CCDC7: variants seen among roughly 807,000 people sequenced by gnomAD.
CCDC7 encodes the protein coiled-coil domain-containing protein 7.
CCDC7 carries 183 observed loss-of-function variants against 196.9 expected under a neutral mutation model. The ratio of observed to expected loss-of-function variants is 0.93; its 90% CI spans 0.82 to 1.05. The LOEUF is 1.05. Ranked by LOEUF, CCDC7 falls within the 50% of genes least tolerant of loss-of-function variation. CCDC7 has a pLI of 0.00. For synonymous variants in CCDC7, 525 were observed against 484.6 expected, an observed-to-expected ratio of 1.08 and a Z score of -1.10; for missense variants, 1,540 against 1,482.2, an observed-to-expected ratio of 1.04 and a Z score of -0.64.
At chr10:32,684,578 A>G (rs915325394) in intron 21 of CCDC7, among the ~76,000 whole-genome samples, 3 of 152,144 alleles carry the variant, frequency 2.0e-5, no homozygotes, top group Admixed American at 2.0e-4. Flanking sequence ...GATGAATCCC[A>G]AGGTGGCCTC....
chr10:32,807,602 G>T (rs763128901), intron 30 of CCDC7, among the ~76,000 whole-genome samples: 1 of 151,998 alleles, frequency 6.6e-6, no homozygotes, highest in African/African-American at 2.4e-5. Context: ...ACCTAAGTAG[G>T]ATCGATAAAG....
chr10:32,699,696 T>C (rs570951253), intron 24 of CCDC7, among the ~76,000 whole-genome samples: 3 of 149,462 alleles, frequency 2.0e-5, no homozygotes, highest in East Asian at 3.9e-4. Context: ...CCTATTTCTA[T>C]ACATCCTCTC....
At chr10:32,798,729 C>T in intron 29 of CCDC7, among the ~76,000 whole-genome samples, 1 of 152,216 alleles carries the variant, frequency 6.6e-6, no homozygotes, top group East Asian at 1.9e-4. Context: ...AGTGCACAAC[C>T]AGGTGCACTG....
chr10:32,547,998 C>A (rs1325018308), intron 13 of CCDC7, among the ~76,000 whole-genome samples: 1 of 152,152 alleles, frequency 6.6e-6, no homozygotes, highest in African/African-American at 2.4e-5. Flanking sequence ...TATGTCTTTG[C>A]ATCCTCACAG....
chr10:32,614,804 C>T (rs1426801839), intron 18 of CCDC7, among the ~76,000 whole-genome samples: 3 of 152,158 alleles, frequency 2.0e-5, no homozygotes, highest in Non-Finnish European at 4.4e-5. Context: ...GGAGTTTGAT[C>T]TATCCCACCC....
chr10:32,466,254 CTCTT>C (rs2036754180), intron 5 of CCDC7, among the ~76,000 whole-genome samples: 1 of 116,474 alleles, frequency 8.6e-6, no homozygotes, highest in Admixed American at 1.0e-4. Context: ...GTGTTTCTCT[CTCTT>C]TTTTTTTTTT....
At chr10:32,590,431 A>G (rs2059676579) in intron 18 of CCDC7, among the ~76,000 whole-genome samples, 1 of 152,058 alleles carries the variant, frequency 6.6e-6, no homozygotes, top group Non-Finnish European at 1.5e-5. Context: ...TTTATGTCTT[A>G]TTGTTAACTA....
intron 37 of CCDC7, among the ~76,000 whole-genome samples, chr10:32,847,199 C>T (rs1178896542): frequency 6.6e-6 from 1 of 152,086 alleles, no homozygotes; most frequent in East Asian, 1.9e-4. Context: ...CCAGTCACAT[C>T]GCTATGCAAA....
chr10:32,609,327 C>T (rs995529652), intron 18 of CCDC7, among the ~76,000 whole-genome samples: 1 of 152,096 alleles, frequency 6.6e-6, no homozygotes, highest in Admixed American at 6.6e-5. Flanking sequence ...GTTATATCCT[C>T]TGGCTGAGTT....
At chr10:32,465,864 C>A (rs1047249490) in intron 5 of CCDC7, among the ~76,000 whole-genome samples, 8 of 152,182 alleles carry the variant, frequency 5.3e-5, no homozygotes, top group Non-Finnish European at 8.8e-5. Flanking sequence ...TGTTCCCTAT[C>A]TTAGTGAATG....
chr10:32,851,611 T>A (rs1219490004), intron 39 of CCDC7, among the ~76,000 whole-genome samples, 196 bp from the exon 41 acceptor site: 1 of 152,210 alleles, frequency 6.6e-6, no homozygotes. Context: ...ATTTTCTATC[T>A]GGATGACCTG....
rs543857663 is a variant in CCDC7 at position 32,616,996 on chromosome 10, T to C, written c.1802-17258T>C. Among the ~76,000 whole-genome samples the C allele has an allele frequency of 5.3e-5, 8 of 151,826 alleles. No homozygotes were observed. In the East Asian group the frequency reaches 7.7e-4, roughly 15 times the overall value. On this transcript the variant is annotated intron_variant, in intron 18 of 41. Transcript: ENST00000639629. Reference sequence around the variant, plus strand: ...TTATTATTGGTCTGTTTGAGAGTTTTAGTTTTTTCTGGTTCGATATTGGGT... The same window carrying C: ...TTATTATTGGTCTGTTTGAGAGTTTCAGTTTTTTCTGGTTCGATATTGGGT...
At chr10:32,868,370 T>A (rs1010861106) in intron 41 of CCDC7, among the ~76,000 whole-genome samples, 6 of 151,984 alleles carry the variant, frequency 3.9e-5, no homozygotes, top group African/African-American at 1.2e-4. Context: ...TTTTCCTCTG[T>A]ATCTACTCAT....
At chr10:32,760,103 T>TA (rs2077189931) in intron 28 of CCDC7, among the ~76,000 whole-genome samples, 1 of 152,106 alleles carries the variant, frequency 6.6e-6, no homozygotes, top group Non-Finnish European at 1.5e-5. Flanking sequence ...CAACAGGTGC[T>TA]AGAGAGGATG....
intron 25 of CCDC7, among the ~76,000 whole-genome samples, chr10:32,721,216 A>G (rs980891705): frequency 6.6e-6 from 1 of 152,214 alleles, no homozygotes; most frequent in Non-Finnish European, 1.5e-5. Context: ...TATGGCTATG[A>G]GTCATAGACT....
chr10:32,461,650 A>G (rs1469647634), intron 3 of CCDC7, among the ~76,000 whole-genome samples: 6 of 145,268 alleles, frequency 4.1e-5, no homozygotes, highest in African/African-American at 1.5e-4. Flanking sequence ...AAAAAATATA[A>G]TGCTCCTCTG....
chr10:32,636,926 T>C (rs9418007), intron 20 of CCDC7, among the ~76,000 whole-genome samples: 52,304 of 152,102 alleles, frequency 0.34, 11,440 homozygotes, highest in Non-Finnish European at 0.5. Flanking sequence ...CCATTCTAAC[T>C]GGTGTGAGAT....
At chr10:32,819,984 G>A (rs567002432) in intron 31 of CCDC7, among the ~76,000 whole-genome samples, 6 of 152,104 alleles carry the variant, frequency 3.9e-5, no homozygotes, top group Non-Finnish European at 7.4e-5. Flanking sequence ...GGCAGGAGAA[G>A]GAAATAAAGG....
intron 30 of CCDC7, among the ~76,000 whole-genome samples, chr10:32,809,478 T>A (rs1400936213): frequency 6.6e-6 from 1 of 152,146 alleles, no homozygotes; most frequent in African/African-American, 2.4e-5. Context: ...AATCTACCCA[T>A]CTGACAAAGG....
Sources: allele counts gnomAD v4.1 joint callset (sites outside exome capture counted in the v4.1 genomes callset), GRCh38; gene constraint gnomAD v4.1.1; transcripts MANE v1.5; gene names NCBI Gene and HGNC (gene_info 2026-07-23, HGNC 2026-07-21).